Variants in DNAI1 observed in about 807,000 individuals in gnomAD.
DNAI1 encodes the protein dynein axonemal intermediate chain 1.
In DNAI1, 67 loss-of-function variants were observed where a neutral mutation model predicts 92.0. The observed-to-expected ratio is 0.73, with a 90% CI of 0.60 to 0.89. DNAI1 has a LOEUF of 0.89. DNAI1 is among the 40% of genes least tolerant of loss of function. The pLI is 0.00. For synonymous variants in DNAI1, 323 were observed against 319.6 expected (o/e 1.01, Z -0.11); for missense variants, 839 against 866.6 (o/e 0.97, Z 0.40).
intron 6 of DNAI1, 24 bp from the exon 7 acceptor site, chr9:34,490,345 G>C (rs1384294659): frequency 3.7e-6 from 6 of 1,614,122 alleles, no homozygotes; most frequent in Non-Finnish European, 5.1e-6. Flanking sequence ...GCTGATTCCT[G>C]ATCCTCTGGG....
intron 1 of DNAI1, among the ~76,000 whole-genome samples, chr9:34,483,205 C>A (rs1824404767): frequency 6.6e-6 from 1 of 152,218 alleles, no homozygotes. Flanking sequence ...CCGGCCTTGG[C>A]CAGCCCAGAA....
At chr9:34,461,944 C>T (rs1823959017) in intron 1 of DNAI1, among the ~76,000 whole-genome samples, 1 of 152,068 alleles carries the variant, frequency 6.6e-6, no homozygotes, top group Admixed American at 6.6e-5. Context: ...GGAGAGAAGC[C>T]TGCAGGTTAG....
intron 16 of DNAI1, among the ~76,000 whole-genome samples, chr9:34,513,625 T>C (rs887874174): frequency 1.3e-5 from 2 of 152,172 alleles, no homozygotes; most frequent in African/African-American, 4.8e-5. Flanking sequence ...TCAGTGGTAG[T>C]AGGTGAACGT....
intron 1 of DNAI1, among the ~76,000 whole-genome samples, chr9:34,482,349 G>T (rs917524322): frequency 3.3e-5 from 5 of 150,236 alleles, no homozygotes; most frequent in African/African-American, 1.2e-4. Flanking sequence ...GCTGATTGGT[G>T]TATTTACAAT....
chr9:34,490,418 A>G lies in DNAI1; in HGVS notation c.551A>G (p.Lys184Arg), dbSNP rs146203427. 560 of 1,614,094 alleles carry G rather than the reference A, an allele frequency of 3.5e-4. 2 individuals are homozygous for G. The highest frequency in any genetic ancestry group is 5.8e-4 in the Admixed American group (35 of 60,006). ...EEELMTPKQPKERKLTNQFNF... is the reference protein window; with the variant it reads ...EEELMTPKQPRERKLTNQFNF... Reference sequence around the variant, plus strand: ...GAATTGATGACTCCTAAGCAGCCCAAGGAGAGAAAGCTCACTAACCAGTTC... The same window carrying G: ...GAATTGATGACTCCTAAGCAGCCCAGGGAGAGAAAGCTCACTAACCAGTTC... The change falls in exon 7 of 20, where the codon AAG becomes AGG. Residue 184 changes from lysine (K) to arginine (R), a missense_variant. Physicochemically the swap from Lys to Arg is conservative, Grantham distance 26. Transcript: ENST00000242317.
intron 1 of DNAI1, among the ~76,000 whole-genome samples, chr9:34,460,683 A>T (rs1312062770): frequency 6.6e-6 from 1 of 151,842 alleles, no homozygotes; most frequent in Non-Finnish European, 1.5e-5. Context: ...TATTTTTGAG[A>T]CGGAGTTTCA....
chr9:34,492,473 G>T (rs1424846063), intron 8 of DNAI1, among the ~76,000 whole-genome samples: 1 of 122,984 alleles, frequency 8.1e-6, no homozygotes, highest in Non-Finnish European at 1.7e-5. Flanking sequence ...CCATGTCCGG[G>T]GTGGGGGTGG....
At chr9:34,511,683 G>A in intron 13 of DNAI1, among the ~76,000 whole-genome samples, 1 of 152,152 alleles carries the variant, frequency 6.6e-6, no homozygotes, top group Non-Finnish European at 1.5e-5. Flanking sequence ...ACAAACCTAT[G>A]CTATTATGAC....
intron 19 of DNAI1, among the ~76,000 whole-genome samples, chr9:34,520,297 T>C (rs926503480): frequency 1.3e-5 from 2 of 152,260 alleles, no homozygotes; most frequent in Non-Finnish European, 1.5e-5. Flanking sequence ...ATGGTAAGGA[T>C]GGTGCCAGCA....
chr9:34,493,016 T>C (rs1824639789), intron 8 of DNAI1, among the ~76,000 whole-genome samples, 178 bp from the exon 9 acceptor site: 1 of 152,146 alleles, frequency 6.6e-6, no homozygotes, highest in African/African-American at 2.4e-5. Context: ...CTTTCATTCT[T>C]GTTCCAGAGC....
chr9:34,461,581 A>T (rs1823952198), intron 1 of DNAI1, among the ~76,000 whole-genome samples: 1 of 152,180 alleles, frequency 6.6e-6, no homozygotes, highest in Admixed American at 6.5e-5. Context: ...CCCATTAGGG[A>T]GACATTAGAG....
intron 1 of DNAI1, among the ~76,000 whole-genome samples, chr9:34,467,440 TACACACACACACACAC>T (rs3039302): frequency 1.1e-4 from 15 of 137,378 alleles, no homozygotes; most frequent in East Asian, 2.2e-4. Flanking sequence ...TCTACACAAA[TACACACACACACACAC>T]ACACACACAC....
At chr9:34,513,311 T>C (rs936126746) in intron 16 of DNAI1, 120 bp downstream of exon 16, 6 of 801,794 alleles carry the variant, frequency 7.5e-6, no homozygotes, top group Non-Finnish European at 1.3e-5. Flanking sequence ...CTAGAAGGCC[T>C]CTTGAGGGAA....
chr9:34,495,765 C>T (rs563274911), intron 9 of DNAI1, among the ~76,000 whole-genome samples: 1 of 152,066 alleles, frequency 6.6e-6, no homozygotes, highest in Non-Finnish European at 1.5e-5. Context: ...GCTATCTGGC[C>T]ACAGAAAACA....
chr9:34,465,755 G>A (rs1465704246), intron 1 of DNAI1, among the ~76,000 whole-genome samples: 1 of 152,202 alleles, frequency 6.6e-6, no homozygotes, highest in Non-Finnish European at 1.5e-5. Context: ...GAGTAATGTT[G>A]ACTCTCTGGC....
chr9:34,520,784 G>A lies in DNAI1; in HGVS notation c.*28G>A, dbSNP rs1358743126. 1 of 1,548,862 alleles carries A rather than the reference G, an allele frequency of 6.5e-7. No homozygotes were observed. The highest frequency in any genetic ancestry group is 8.7e-7 in the Non-Finnish European group (1 of 1,144,534). On this transcript the variant is annotated 3_prime_UTR_variant, in exon 20 of 20. Coordinates refer to ENST00000242317, the MANE Select transcript of DNAI1 (RefSeq NM_012144.4). ...GGCTGGCCTCAGTCTCTGTCCCATC[G>A]CTTGAATACAGTACTCCTAGGGCTT...
At chr9:34,480,235 A>G (rs1246223294) in intron 1 of DNAI1, among the ~76,000 whole-genome samples, 2 of 145,080 alleles carry the variant, frequency 1.4e-5, no homozygotes, top group Non-Finnish European at 3.0e-5. Context: ...TGTTCTGTAT[A>G]TATACTGTGG....
chr9:34,506,535 G>A, intron 12 of DNAI1, 92 bp from the exon 13 acceptor site: 1 of 1,570,794 alleles, frequency 6.4e-7, no homozygotes, highest in Non-Finnish European at 8.7e-7. Context: ...AGCAGGGCAG[G>A]GCTTGCCCAC....
Position 34,485,170 on chromosome 9 carries a change from A to C in DNAI1, c.110A>C (p.Glu37Ala), listed in dbSNP as rs142794994. 1.9e-5 allele frequency: 31 copies of C among 1,614,132 alleles called. No individual in the cohort carries two copies. The highest frequency in any genetic ancestry group is 2.5e-5 in the Non-Finnish European group (29 of 1,180,024). Reference sequence around the variant, plus strand: ...GAAGATTCAGGGACTGAAGTGGGAGAAGGCACAGATGAATGGGCCCAATCC... The same window carrying C: ...GAAGATTCAGGGACTGAAGTGGGAGCAGGCACAGATGAATGGGCCCAATCC... ...RDEDSGTEVG[E>A]GTDEWAQSKA... is the part of the protein sequence containing the mutation. The change falls in exon 3 of 20, where the codon GAA (glutamate) becomes GCA (alanine). Residue 37 changes from glutamate to alanine, a missense_variant. Coordinates refer to ENST00000242317, the MANE Select transcript of DNAI1 (RefSeq NM_012144.4).
Sources: allele counts gnomAD v4.1 joint callset (sites outside exome capture counted in the v4.1 genomes callset), GRCh38; gene constraint gnomAD v4.1.1; transcripts MANE v1.5; gene names NCBI Gene and HGNC (gene_info 2026-07-23, HGNC 2026-07-21).